STK32B: variants seen among roughly 807,000 people sequenced by gnomAD.
STK32B encodes the protein serine/threonine kinase 32B.
Under a neutral mutation model 52.6 loss-of-function variants are expected in STK32B, and 43 were observed. The ratio of observed to expected loss-of-function variants is 0.82; its 90% confidence interval spans 0.64 to 1.05. The LOEUF is 1.05. Ranked by LOEUF, STK32B falls within the 50% of genes least tolerant of loss-of-function variation. STK32B has a pLI of 0.00. For missense variants in STK32B, 621 were observed against 534.6 expected (o/e 1.16, Z -1.59); for synonymous variants, 238 against 204.3 (o/e 1.17, Z -1.41).
chr4:5,477,918 C>T (rs1287174188), intron 11 of STK32B, among the ~76,000 whole-genome samples: 2 of 152,126 alleles, frequency 1.3e-5, no homozygotes, highest in African/African-American at 4.8e-5. Flanking sequence ...CTTCCAGTGC[C>T]CCCACCCACA....
At chr4:5,356,979 C>A (rs1734211708) in intron 4 of STK32B, among the ~76,000 whole-genome samples, 1 of 151,618 alleles carries the variant, frequency 6.6e-6, no homozygotes, top group African/African-American at 2.4e-5. Context: ...GCCTGGGCAA[C>A]AAGAGTGAAA....
At position 5,159,706 on chromosome 4, in the gene STK32B, AATAT is replaced by A. The variant is rs1256461478; in HGVS notation, c.109-8586_109-8583del. Among the ~76,000 whole-genome samples, 87 of 96,246 alleles carry A rather than the reference AATAT, an allele frequency of 9.0e-4. 14 individuals carry two copies. Among genetic ancestry groups the A allele is most frequent in the African/African-American group, 4.8e-3 (80 of 16,796 alleles). The allele number at this position is 96,246 out of a possible 152,430, so 63.1% of individuals were successfully genotyped here. A position where few individuals can be genotyped will look rare whatever the true frequency, so the allele number is the denominator to read the frequency against. On this transcript the variant is annotated intron_variant, in intron 2 of 11. Transcript: ENST00000282908. ...ATATGAATATATATGAATATATATG[AATAT>A]ATATATGAATGTATATGAATATATA...
intron 7 of STK32B, among the ~76,000 whole-genome samples, chr4:5,456,490 G>C (rs1577534921): frequency 1.3e-5 from 2 of 152,224 alleles, no homozygotes; most frequent in African/African-American, 4.8e-5. Flanking sequence ...CCTGTGACTG[G>C]AGCAGGGACT....
At chr4:5,094,306 A>G (rs1382553979) in intron 1 of STK32B, among the ~76,000 whole-genome samples, 1 of 152,214 alleles carries the variant, frequency 6.6e-6, no homozygotes, top group Non-Finnish European at 1.5e-5. Flanking sequence ...TCAAGTTAAC[A>G]GAAGAAGTGC....
chr4:5,328,982 G>C (rs1474307105), intron 3 of STK32B, among the ~76,000 whole-genome samples: 1 of 152,136 alleles, frequency 6.6e-6, no homozygotes, highest in Non-Finnish European at 1.5e-5. Context: ...CCAAGAGTGA[G>C]AGTGAGAATA....
At chr4:5,371,872 C>T (rs1442042759) in intron 4 of STK32B, among the ~76,000 whole-genome samples, 1 of 152,212 alleles carries the variant, frequency 6.6e-6, no homozygotes, top group Non-Finnish European at 1.5e-5. Flanking sequence ...TTTCCCAATT[C>T]AGACAAAAGT....
chr4:5,481,228 A>G (rs1306634026), intron 11 of STK32B, among the ~76,000 whole-genome samples: 2 of 152,172 alleles, frequency 1.3e-5, no homozygotes, highest in Non-Finnish European at 2.9e-5. Flanking sequence ...ATTTCTCCAC[A>G]TCCTCTCCAG....
intron 6 of STK32B, chr4:5,432,442 A>G (rs1177819207): frequency 5.9e-5 from 9 of 151,930 alleles, no homozygotes; most frequent in African/African-American, 2.4e-5. Context: ...CCGTAGATCG[A>G]TGTATTAATA....
intron 3 of STK32B, among the ~76,000 whole-genome samples, chr4:5,248,833 C>G (rs966462654): frequency 1.3e-5 from 2 of 151,828 alleles, no homozygotes; most frequent in Non-Finnish European, 2.9e-5. Context: ...GGACAAAAAA[C>G]CAAACACCGC....
At chr4:5,344,886 A>G (rs1424678459) in intron 4 of STK32B, among the ~76,000 whole-genome samples, 1 of 152,236 alleles carries the variant, frequency 6.6e-6, no homozygotes, top group Admixed American at 6.5e-5. Flanking sequence ...CAAAAGTTCA[A>G]GACCAGCCTG....
rs114228436 is a variant in STK32B, at chr4:5,326,054, G to C, written c.261-5166G>C. Reference sequence around the variant, plus strand: ...TAAAATATTGTTCTCTTAGCATTTTGATTTTCCTCTTTAGAATTCATTCCA... The same window carrying C: ...TAAAATATTGTTCTCTTAGCATTTTCATTTTCCTCTTTAGAATTCATTCCA... On this transcript the variant is annotated intron_variant, in intron 3 of 11. Transcript: ENST00000282908. 7.8e-3 allele frequency among the ~76,000 whole-genome samples: 1,192 copies of C among 152,250 alleles called. 11 individuals are homozygous for C. The highest frequency in any genetic ancestry group is 0.012 in the Non-Finnish European group (784 of 67,994).
chr4:5,264,874 T>C (rs541529660), intron 3 of STK32B, among the ~76,000 whole-genome samples: 18 of 152,320 alleles, frequency 1.2e-4, no homozygotes, highest in Middle Eastern at 6.8e-3. Context: ...TGTGAATTCT[T>C]TATCCCAACA....
At chr4:5,311,902 TTA>T (rs34791295) in intron 3 of STK32B, among the ~76,000 whole-genome samples, 1 of 137,596 alleles carries the variant, frequency 7.3e-6, no homozygotes, top group South Asian at 2.5e-4. Context: ...GTGCATACTT[TTA>T]TATATATATA....
chr4:5,466,905 C>A, intron 10 of STK32B, 71 bp downstream of exon 10: 1 of 1,528,658 alleles, frequency 6.5e-7, no homozygotes, highest in Non-Finnish European at 8.8e-7. Flanking sequence ...AGCCAGGCCA[C>A]TGTTTAGCAA....
At chr4:5,440,467 T>C (rs1363105676) in intron 6 of STK32B, among the ~76,000 whole-genome samples, 2 of 152,198 alleles carry the variant, frequency 1.3e-5, no homozygotes, top group African/African-American at 4.8e-5. Context: ...ATCCTGAGAC[T>C]TTGCTGAAGT....
chr4:5,457,820 C>G (rs886993674), intron 8 of STK32B, among the ~76,000 whole-genome samples: 15 of 143,204 alleles, frequency 1.0e-4, no homozygotes, highest in African/African-American at 3.5e-4. Context: ...TGTGGTGAGC[C>G]AAGATCGCAC....
chr4:5,155,983 C>G (rs949488427), intron 2 of STK32B, among the ~76,000 whole-genome samples: 3 of 151,974 alleles, frequency 2.0e-5, no homozygotes, highest in African/African-American at 7.3e-5. Context: ...ATATATACCT[C>G]TCTACATAAT....
chr4:5,093,502 A>G (rs1713211150), intron 1 of STK32B, among the ~76,000 whole-genome samples: 1 of 152,098 alleles, frequency 6.6e-6, no homozygotes, highest in Admixed American at 6.5e-5. Flanking sequence ...CATAGGTGGG[A>G]ATTGAACAAT....
rs1717580691 is a variant in STK32B at position 5,468,071 on chromosome 4, G to A, written c.1106+1G>A. ...AATTCATCATATTCAACAGAGAGAA[G>A]TAAGTCCTTCATACTGTCCCCCTTG... On this transcript the variant is annotated splice_donor_variant, in intron 11 of 11. Transcript: ENST00000282908. LOFTEE classifies it high-confidence loss of function. 1 of 1,613,940 alleles carries A rather than the reference G, an allele frequency of 6.2e-7. No homozygotes were observed. Among genetic ancestry groups the A allele is most frequent in the African/African-American group, 1.3e-5 (1 of 74,934 alleles).
Sources: gnomAD v4.1 joint callset for allele counts (sites outside exome capture counted in the v4.1 genomes callset) on GRCh38, gnomAD v4.1.1 for gene constraint, MANE v1.5 for transcripts, NCBI Gene and HGNC (gene_info 2026-07-23, HGNC 2026-07-21) for gene names.